TBCK: variants seen among roughly 807,000 people sequenced by gnomAD.
TBCK encodes TBC1 domain containing kinase.
A neutral mutation model predicts 113.4 loss-of-function variants in TBCK; 99 were observed. That is an observed-to-expected ratio of 0.87 (90% CI 0.74 to 1.03). The LOEUF (loss-of-function observed/expected upper bound fraction) is 1.03, where lower values mean the gene tolerates loss of function less well. TBCK is among the 50% of genes least tolerant of loss of function. The probability of loss-of-function intolerance (pLI) is 0.00; values close to 1 mark genes in which losing one functional copy is unlikely to be tolerated. For synonymous variants in TBCK, 369 were observed against 370.8 expected (o/e 1.00, Z 0.05); for missense variants, 1,045 against 1,061.3 (o/e 0.98, Z 0.21).
intron 24 of TBCK, among the ~76,000 whole-genome samples, chr4:106,115,630 T>G (rs1162711179): frequency 6.6e-6 from 1 of 152,148 alleles, no homozygotes; most frequent in Non-Finnish European, 1.5e-5. Flanking sequence ...CTGAAGATAA[T>G]GAAAATAGAA....
At position 106,225,227 on chromosome 4, in the gene TBCK, AT is replaced by A. The variant is rs570060626; in HGVS notation, c.1774+5135del. Among the ~76,000 whole-genome samples the A allele has an allele frequency of 5.3e-3, 795 of 151,346 alleles. 12 individuals are homozygous for A. Among genetic ancestry groups the A allele is most frequent in the African/African-American group, 0.018 (726 of 41,330 alleles). The stretch of plus-strand genomic sequence containing the variant: ...ATGATTTAAAACACCTTGTCTATTG[AT>A]TTTTTTTTAGCATAATATTAAAGAA... On this transcript the variant is annotated intron_variant, in intron 19 of 25. Coordinates refer to ENST00000394708, the MANE Select transcript of TBCK (RefSeq NM_001163435.3).
At chr4:106,222,717 G>C (rs150861998) in intron 19 of TBCK, among the ~76,000 whole-genome samples, 1 of 152,118 alleles carries the variant, frequency 6.6e-6, no homozygotes, top group Non-Finnish European at 1.5e-5. Context: ...CAAACCATTT[G>C]GTGATAATGT....
At chr4:106,069,896 C>T (rs1342745278) in intron 25 of TBCK, among the ~76,000 whole-genome samples, 1 of 152,132 alleles carries the variant, frequency 6.6e-6, no homozygotes, top group Non-Finnish European at 1.5e-5. Context: ...ATTTCATTCT[C>T]TTTGTAGCAG....
At chr4:106,104,200 G>A (rs1017257424) in intron 24 of TBCK, among the ~76,000 whole-genome samples, 7 of 152,288 alleles carry the variant, frequency 4.6e-5, no homozygotes, top group Admixed American at 6.5e-5. Context: ...TAGGAAAGAG[G>A]CCGAATCCAG....
intron 23 of TBCK, among the ~76,000 whole-genome samples, chr4:106,130,094 C>T (rs1745703751): frequency 6.6e-6 from 1 of 152,042 alleles, no homozygotes; most frequent in Non-Finnish European, 1.5e-5. Flanking sequence ...CTTTCATTTC[C>T]CCCCAAAGTA....
At chr4:106,239,982 C>T (rs1759908944) in intron 12 of TBCK, among the ~76,000 whole-genome samples, 1 of 151,744 alleles carries the variant, frequency 6.6e-6, no homozygotes, top group Non-Finnish European at 1.5e-5. Context: ...AAATTCTAAA[C>T]AAAATATTAG....
intron 22 of TBCK, among the ~76,000 whole-genome samples, chr4:106,181,234 A>G (rs1300726914): frequency 1.3e-5 from 2 of 151,954 alleles, no homozygotes; most frequent in Non-Finnish European, 2.9e-5. Flanking sequence ...TTTCTTGTAA[A>G]TTTGTTTAAG....
chr4:106,123,188 C>A (rs1482678163), intron 23 of TBCK, among the ~76,000 whole-genome samples: 1 of 152,162 alleles, frequency 6.6e-6, no homozygotes, highest in Admixed American at 6.5e-5. Flanking sequence ...TCTCAGGATA[C>A]AAAATCAATG....
chr4:106,172,252 T>A (rs1751116602), intron 22 of TBCK, among the ~76,000 whole-genome samples: 1 of 152,182 alleles, frequency 6.6e-6, no homozygotes, highest in South Asian at 2.1e-4. Context: ...CATATTAGAT[T>A]TCCTTTTGTT....
chr4:106,296,747 G>T (rs1766350019), intron 2 of TBCK, among the ~76,000 whole-genome samples: 1 of 152,000 alleles, frequency 6.6e-6, no homozygotes, highest in Non-Finnish European at 1.5e-5. Context: ...GGAATAAAAT[G>T]AAATAGCAAA....
chr4:106,249,061 A>T (rs112321941), intron 7 of TBCK, 79 bp from the exon 8 acceptor site: 3 of 999,344 alleles, frequency 3.0e-6, no homozygotes, highest in Middle Eastern at 5.0e-4. Flanking sequence ...CTGATCAAAA[A>T]TGTTTTAATG....
chr4:106,261,913 A>C (rs1762545641), intron 4 of TBCK, among the ~76,000 whole-genome samples, 185 bp downstream of exon 4: 1 of 151,998 alleles, frequency 6.6e-6, no homozygotes, highest in Non-Finnish European at 1.5e-5. Flanking sequence ...AGATTAAATA[A>C]TTTAAGGATT....
chr4:106,247,426 T>C, intron 9 of TBCK, 139 bp from the exon 10 acceptor site: 1 of 687,630 alleles, frequency 1.5e-6, no homozygotes, highest in Non-Finnish European at 2.4e-6. Flanking sequence ...TTTTGCAGAG[T>C]CTAGATGCAT....
At chr4:106,055,233 C>A (rs1235294326) in intron 25 of TBCK, among the ~76,000 whole-genome samples, 1 of 151,430 alleles carries the variant, frequency 6.6e-6, no homozygotes, top group Non-Finnish European at 1.5e-5. Context: ...TTCAAAGAAG[C>A]CCCGTGCTTT....
rs547513254 is a variant in TBCK at position 106,166,258 on chromosome 4, T to C, written c.2235+4837A>G. 5.9e-4 allele frequency among the ~76,000 whole-genome samples: 89 copies of C among 151,842 alleles called. 3 individuals carry two copies. The highest frequency in any genetic ancestry group is 1.7e-3 in the Admixed American group (26 of 15,224). ...CAAAAATATTTTATGTACAGAATTC[T>C]ATAAACATAAAAAATTAAACAAAAT... On this transcript the variant is annotated intron_variant, in intron 23 of 25. Coordinates refer to ENST00000394708, the MANE Select transcript of TBCK (RefSeq NM_001163435.3).
chr4:106,127,198 C>A (rs2149606404), intron 23 of TBCK, among the ~76,000 whole-genome samples: 1 of 117,408 alleles, frequency 8.5e-6, no homozygotes. Flanking sequence ...CAGAGCAAGA[C>A]TCCGTCTCAA....
intron 20 of TBCK, among the ~76,000 whole-genome samples, chr4:106,202,904 T>A (rs1173151670): frequency 6.6e-6 from 1 of 152,092 alleles, no homozygotes. Context: ...TTTATGATAT[T>A]TGTGCACCAA....
intron 3 of TBCK, among the ~76,000 whole-genome samples, chr4:106,271,769 A>C (rs1440883380): frequency 6.6e-6 from 1 of 151,828 alleles, no homozygotes; most frequent in Non-Finnish European, 1.5e-5. Flanking sequence ...AAAAAAAACA[A>C]AACAAAAAAA....
Position 106,256,585 on chromosome 4 carries a change from C to T in TBCK, c.455+3852G>A, listed in dbSNP as rs550562524. On this transcript the variant is annotated intron_variant, in intron 5 of 25. Coordinates refer to ENST00000394708, the MANE Select transcript of TBCK (RefSeq NM_001163435.3). ...GAGCCTACAGCTGCACCTGGGAGAG[C>T]AGGGCTCCTGCCTGCTTCCGGCCCC... 2.3e-4 allele frequency among the ~76,000 whole-genome samples: 35 copies of T among 152,320 alleles called. No homozygotes were observed. In the Middle Eastern group the frequency reaches 0.027, roughly 118 times the overall value.
Sources: gnomAD v4.1 joint callset for allele counts (sites outside exome capture counted in the v4.1 genomes callset) on GRCh38, gnomAD v4.1.1 for gene constraint, MANE v1.5 for transcripts, NCBI Gene and HGNC (gene_info 2026-07-23, HGNC 2026-07-21) for gene names.